Variants in IGSF3 observed in about 807,000 individuals in gnomAD.
IGSF3 encodes glu-Trp-Ile EWI motif-containing protein 3.
A neutral mutation model predicts 114.4 loss-of-function variants in IGSF3; 23 were observed. The ratio of observed to expected loss-of-function variants is 0.20; its 90% CI spans 0.14 to 0.28. The LOEUF is 0.28. Among genes scored for constraint, IGSF3 ranks in the 10% least tolerant of loss-of-function variants. The pLI is 1.00. For synonymous variants in IGSF3, 571 were observed against 645.2 expected, an observed-to-expected ratio of 0.88 and a Z score of 1.74; for missense variants, 1,172 against 1,591.5, an observed-to-expected ratio of 0.74 and a Z score of 4.48.
chr1:116,586,667 C>T (rs1255267093), intron 8 of IGSF3, among the ~76,000 whole-genome samples: 4 of 152,072 alleles, frequency 2.6e-5, no homozygotes, highest in African/African-American at 4.8e-5. Flanking sequence ...AGGGAAATCC[C>T]CTCAATAAAT....
At position 116,585,940 on chromosome 1, in the gene IGSF3, G is replaced by C. The variant is rs1170912581; in HGVS notation, c.2441-888C>G. ...AGAAAAGATTGCTACTGATGGAACT[G>C]GGTGCTTTGAAAACTCAGCCAAGCA... is the stretch of plus-strand genomic sequence containing the variant. On this transcript the variant is annotated intron_variant, in intron 8 of 10. Coordinates refer to ENST00000369486, the MANE Select transcript of IGSF3 (RefSeq NM_001007237.3). The surrounding 1 kb of genome is among the most constrained non-coding windows in gnomAD (Gnocchi z 4.9). Among the ~76,000 whole-genome samples the C allele has an allele frequency of 6.6e-6, 1 of 152,220 alleles. No individual in the cohort carries two copies. Among genetic ancestry groups the C allele is most frequent in the African/African-American group, 2.4e-5 (1 of 41,468 alleles).
chr1:116,637,081 T>C (rs868732002), intron 2 of IGSF3, among the ~76,000 whole-genome samples: 3 of 152,136 alleles, frequency 2.0e-5, no homozygotes, highest in South Asian at 2.1e-4. Flanking sequence ...TTACTCACGC[T>C]CCCTTACTCT....
rs372542197 is a variant in IGSF3 at position 116,614,170 on chromosome 1, G to C, written c.427C>G (p.Pro143Ala). The change falls in exon 4 of 11, where the codon CCA (proline) becomes GCA (alanine). Residue 143 changes from proline to alanine, a missense_variant. Pro to Ala is a conservative substitution (Grantham distance 27, BLOSUM62 -1). Coordinates refer to ENST00000369486, the MANE Select transcript of IGSF3 (RefSeq NM_001007237.3). The surrounding 1 kb of genome is among the most constrained non-coding windows in gnomAD (Gnocchi z 4.5). ...YSAKMNLVVI[P>A]DSLQTTAMPQ... ...ATGGCAGTGGTCTGCAGGGAGTCTG[G>C]GATCACTGCAACACAGAAATGTCCT... 5.9e-4 allele frequency: 950 copies of C among 1,608,038 alleles called. 13 individuals are homozygous for C. In the South Asian group the frequency reaches 9.8e-3, roughly 17 times the overall value.
In IGSF3 at chr1:116,600,003, T is replaced by G. The variant is rs1383259640; in HGVS notation, c.1967A>C (p.Asn656Thr). ...VAELWRKNYNNTWTRLAERTS... is the reference protein window; with the variant it reads ...VAELWRKNYNTTWTRLAERTS... ...CCTCTCCGCCAGTCGCGTCCAGGTG[T>G]TGTTGTAGTTCTTCCGCCACAGCTC... is the stretch of plus-strand genomic sequence containing the variant. Residue 656 changes from asparagine (N) to threonine (T), a missense_variant, in exon 7 of 11, where the codon AAC (asparagine) becomes ACC (threonine). Around this residue, in one of 3 missense-constraint regions of IGSF3, gnomAD observed 736 missense variants for 1,042.0 expected, o/e 0.71. Coordinates refer to ENST00000369486, the MANE Select transcript of IGSF3 (RefSeq NM_001007237.3). This position sits in a 1 kb window ranked among gnomAD's most constrained non-coding sequence, Gnocchi z 5.5. 3 of 1,614,126 alleles carry G rather than the reference T, an allele frequency of 1.9e-6. No individual in the cohort carries two copies. Among genetic ancestry groups the G allele is most frequent in the South Asian group, 1.1e-5 (1 of 91,072 alleles).
rs1661188893 is a variant in IGSF3, at chr1:116,615,668, T to C, written c.421+412A>G. 6.6e-6 allele frequency among the ~76,000 whole-genome samples: 1 copy of C among 152,250 alleles called. No individual in the cohort carries two copies. Among genetic ancestry groups the C allele is most frequent in the African/African-American group, 2.4e-5 (1 of 41,470 alleles). On this transcript the variant is annotated intron_variant, in intron 3 of 10. Transcript: ENST00000369486. This position sits in a 1 kb window ranked among gnomAD's most constrained non-coding sequence, Gnocchi z 4.3. ...AGGACCCACAGCCACATGTGCTTCC[T>C]GCTTCAGCAGTGCCCCGTGGGTCTC...
At position 116,664,978 on chromosome 1, in the gene IGSF3, T is replaced by A. The variant is rs1470784384; in HGVS notation, c.43+1306A>T. 6.6e-6 allele frequency among the ~76,000 whole-genome samples: 1 copy of A among 152,232 alleles called. No individual in the cohort carries two copies. Among genetic ancestry groups the A allele is most frequent in the Non-Finnish European group, 1.5e-5 (1 of 68,042 alleles). On this transcript the variant is annotated intron_variant, in intron 2 of 10. Coordinates refer to ENST00000369486, the MANE Select transcript of IGSF3 (RefSeq NM_001007237.3). This position sits in a 1 kb window ranked among gnomAD's most constrained non-coding sequence, Gnocchi z 4.6. The stretch of plus-strand genomic sequence containing the variant: ...AATTTTTAAAAGCTTCCCCAGTGAT[T>A]CCAACATGCACACGAGAGTTTGAGA...
intron 2 of IGSF3, among the ~76,000 whole-genome samples, chr1:116,658,793 T>C (rs1238448844): frequency 2.0e-5 from 3 of 152,192 alleles, no homozygotes; most frequent in African/African-American, 4.8e-5. Context: ...AAGGACAGAC[T>C]TGCCTGGCCT....
chr1:116,598,199 G>C lies in IGSF3; in HGVS notation c.2029+1742C>G, dbSNP rs1392255507. Among the ~76,000 whole-genome samples, 13 of 152,124 alleles carry C rather than the reference G, an allele frequency of 8.5e-5. No individual in the cohort carries two copies. Among genetic ancestry groups the C allele is most frequent in the Middle Eastern group, 3.2e-3 (1 of 316 alleles). ...GTCAGCAACTCCTCTACCTTCTACAGCTGCAGAACCATGTGATGGGCAATG... is the reference window on the plus strand; with the variant it reads ...GTCAGCAACTCCTCTACCTTCTACACCTGCAGAACCATGTGATGGGCAATG... On this transcript the variant is annotated intron_variant, in intron 7 of 10. Transcript: ENST00000369486. This position sits in a 1 kb window ranked among gnomAD's most constrained non-coding sequence, Gnocchi z 4.3.
chr1:116,656,254 A>C (rs1354032798), intron 2 of IGSF3, among the ~76,000 whole-genome samples: 1 of 151,058 alleles, frequency 6.6e-6, no homozygotes, highest in African/African-American at 2.4e-5. Context: ...TAAGGAGCAT[A>C]GACAAGGAGG....
rs1406928272 is a variant in IGSF3, at chr1:116,579,663, GTCGTCCTCC to G, written c.3054_3062del (p.Glu1018_Asp1020del). 2.6e-6 allele frequency: 4 copies of G among 1,565,064 alleles called. No homozygotes were observed. Among genetic ancestry groups the G allele is most frequent in the African/African-American group, 1.4e-5 (1 of 73,626 alleles). ...GCTCTGTTGGGTCGTCGTCGTCGTC[GTCGTCCTCC>G]TCCTCCTCCTCCTCCCTTTCCTCTT... On this transcript the variant is annotated inframe_deletion, in exon 10 of 11. Transcript: ENST00000369486. The surrounding 1 kb of genome is among the most constrained non-coding windows in gnomAD (Gnocchi z 6.4).
At chr1:116,599,391 TACACAC>T (rs35774720) in intron 7 of IGSF3, among the ~76,000 whole-genome samples, 11,422 of 148,186 alleles carry the variant, frequency 0.077, 1,397 homozygotes, top group African/African-American at 0.26. Flanking sequence ...CACATACATA[TACACAC>T]ACACACACAC....
At position 116,585,690 on chromosome 1, in the gene IGSF3, G is replaced by A. The variant is rs1659815264; in HGVS notation, c.2441-638C>T. Among the ~76,000 whole-genome samples, 1 of 152,164 alleles carries A rather than the reference G, an allele frequency of 6.6e-6. No homozygotes were observed. Among genetic ancestry groups the A allele is most frequent in the Non-Finnish European group, 1.5e-5 (1 of 68,022 alleles). On this transcript the variant is annotated intron_variant, in intron 8 of 10. Coordinates refer to ENST00000369486, the MANE Select transcript of IGSF3 (RefSeq NM_001007237.3). This position sits in a 1 kb window ranked among gnomAD's most constrained non-coding sequence, Gnocchi z 4.9. ...TAATCCCAGCACTTTGGGACGCCGAGGTGGGTGGATCGCTTGAGGCCAGGA... is the reference window on the plus strand; with the variant it reads ...TAATCCCAGCACTTTGGGACGCCGAAGTGGGTGGATCGCTTGAGGCCAGGA...
intron 2 of IGSF3, among the ~76,000 whole-genome samples, chr1:116,645,479 T>C (rs1384974847): frequency 3.3e-5 from 5 of 152,362 alleles, no homozygotes; most frequent in Admixed American, 2.6e-4. Context: ...TATTTTAAAC[T>C]GGTGAGTTCC....
In IGSF3 at chr1:116,584,867, A is replaced by G; in HGVS notation, c.2626T>C (p.Phe876Leu). 1.2e-6 allele frequency: 2 copies of G among 1,614,248 alleles called. No homozygotes were observed. The highest frequency in any genetic ancestry group is 1.7e-6 in the Non-Finnish European group (2 of 1,180,046). The change falls in exon 9 of 11, where the codon TTC becomes CTC. Residue 876 changes from phenylalanine to leucine, a missense_variant. This residue lies in a region of IGSF3 where 423 missense variants were observed against 509.8 expected (regional missense o/e 0.83). Transcript: ENST00000369486. The surrounding 1 kb of genome is among the most constrained non-coding windows in gnomAD (Gnocchi z 5.8). ...TVARLSRDAT[F>L]HYGEQAAKNN... ...TTGGCTGCCTGCTCTCCATAGTGGA[A>G]GGTGGCGTCACGGCTCAAGCGGGCC...
chr1:116,667,310 C>A (rs183305722), intron 1 of IGSF3, among the ~76,000 whole-genome samples: 1 of 152,162 alleles, frequency 6.6e-6, no homozygotes, highest in African/African-American at 2.4e-5. Flanking sequence ...CCGCCCCAAC[C>A]GTGGGAGCTC....
chr1:116,606,873 G>T (rs1298887352), intron 5 of IGSF3, among the ~76,000 whole-genome samples: 1 of 152,182 alleles, frequency 6.6e-6, no homozygotes, highest in Non-Finnish European at 1.5e-5. Flanking sequence ...AGAATTTCAA[G>T]ATAATTAGGT....
intron 4 of IGSF3, among the ~76,000 whole-genome samples, chr1:116,609,794 G>C (rs1660942596): frequency 1.3e-5 from 2 of 152,046 alleles, no homozygotes; most frequent in South Asian, 4.2e-4. Context: ...AGCAGATGAG[G>C]TTTCTGTTTC....
At chr1:116,660,509 G>A (rs1278142183) in intron 2 of IGSF3, among the ~76,000 whole-genome samples, 1 of 119,740 alleles carries the variant, frequency 8.4e-6, no homozygotes, top group Non-Finnish European at 1.6e-5. Flanking sequence ...TTTTGAGACA[G>A]AGTCTTGCTC....
chr1:116,588,929 G>A lies in IGSF3; in HGVS notation c.2205C>T (p.His735=), dbSNP rs1255885355. The A allele has an allele frequency of 1.2e-6, 2 of 1,614,212 alleles. No individual in the cohort carries two copies. The highest frequency in any genetic ancestry group is 4.5e-5 in the East Asian group (2 of 44,888). ...AAGTACCGTATTCAAAGGCGGAGTTGTGGGTGGTCTTCAGGATAAGCTTGC... is the reference window on the plus strand; with the variant it reads ...AAGTACCGTATTCAAAGGCGGAGTTATGGGTGGTCTTCAGGATAAGCTTGC... ...ADGKLILKTT[H]NSAFEYGTYA... Residue 735 remains histidine (H), a synonymous_variant, in exon 8 of 11, where the codon CAC becomes CAT. Transcript: ENST00000369486. The surrounding 1 kb of genome is among the most constrained non-coding windows in gnomAD (Gnocchi z 4.9).
Sources: gnomAD v4.1 joint callset for allele counts (sites outside exome capture counted in the v4.1 genomes callset) on GRCh38, gnomAD v4.1.1 for gene constraint, gnomAD v4.1.1 regional missense constraint, Gnocchi (gnomAD v3.1) non-coding constraint, MANE v1.5 for transcripts, NCBI Gene and HGNC (gene_info 2026-07-23, HGNC 2026-07-21) for gene names.